Variants in KCNJ14 observed in about 807,000 individuals in gnomAD.
The protein encoded by KCNJ14 is ATP-sensitive inward rectifier potassium channel 14.
KCNJ14 carries 18 observed loss-of-function variants against 24.5 expected under a neutral mutation model. The observed-to-expected ratio is 0.74, with a 90% confidence interval of 0.51 to 1.09. The LOEUF is 1.09. Ranked by LOEUF, KCNJ14 falls within the 50% of genes least tolerant of loss-of-function variation. The pLI, the probability that KCNJ14 is intolerant of heterozygous loss-of-function variation, is 0.00. For synonymous variants in KCNJ14, 288 were observed against 270.8 expected (o/e 1.06, Z -0.63); for missense variants, 633 against 623.0 (o/e 1.02, Z -0.17).
rs765618547 is a variant in KCNJ14, at chr19:48,464,731, GCCCCCGAGTTCTCACACCAACCCTGGC to G, written c.1266_1292del (p.Ser422_Ala431delinsArg). The stretch of plus-strand genomic sequence containing the variant: ...GTGGAAACAGAAGATGGGGCTGCTA[GCCCCCGAGTTCTCACACCAACCCTGGC>G]GCTGACCCTGCCTCCATGATGCAAA... On this transcript the variant is annotated inframe_deletion, in exon 3 of 3. Coordinates refer to ENST00000342291, the MANE Select transcript of KCNJ14 (RefSeq NM_013348.4). 1.2e-6 allele frequency: 2 copies of G among 1,610,360 alleles called. No individual in the cohort carries two copies. The highest frequency in any genetic ancestry group is 3.3e-5 in the Admixed American group (2 of 60,026).
In KCNJ14 at chr19:48,462,007, T is replaced by C; in HGVS notation, c.283T>C (p.Cys95Arg). The C allele has an allele frequency of 6.2e-7, 1 of 1,612,980 alleles. No individual in the cohort carries two copies. Among genetic ancestry groups the C allele is most frequent in the Non-Finnish European group, 8.5e-7 (1 of 1,179,708 alleles). Residue 95 changes from cysteine (C) to arginine (R), a missense_variant, in exon 2 of 3, where the codon TGC (cysteine) becomes CGC (arginine). Cys to Arg is a radical substitution (Grantham distance 180). Coordinates refer to ENST00000342291, the MANE Select transcript of KCNJ14 (RefSeq NM_013348.4). The surrounding 1 kb of genome is among the most constrained non-coding windows in gnomAD (Gnocchi z 4.9). Reference protein sequence around the residue: ...RWRWMCLLFSCSFLASWLLFG... With the variant: ...RWRWMCLLFSRSFLASWLLFG... ...GCGCTGGATGTGCCTGCTCTTCTCC[T>C]GCTCCTTCCTCGCCTCCTGGCTGCT...
chr19:48,465,021 A>G lies in KCNJ14; in HGVS notation c.*244A>G. ...ATGAGCCTGATTCCTCAGTCTCACC[A>G]GAATTCTGGATCACCCAAGAGGAAA... On this transcript the variant is annotated 3_prime_UTR_variant, in exon 3 of 3. Coordinates refer to ENST00000342291, the MANE Select transcript of KCNJ14 (RefSeq NM_013348.4). 1.9e-6 allele frequency: 1 copy of G among 524,870 alleles called. No individual in the cohort carries two copies. The highest frequency in any genetic ancestry group is 3.4e-6 in the Non-Finnish European group (1 of 293,692). The allele number at this position is 524,870 out of a possible 1,614,324, so 32.5% of individuals were successfully genotyped here.
chr19:48,456,629 G>T (rs1971542100), intron 1 of KCNJ14: 1 of 152,184 alleles, frequency 6.6e-6, no homozygotes, highest in South Asian at 2.1e-4. Flanking sequence ...AGCCCCTGAG[G>T]ATCCCCAGGT....
At chr19:48,457,611 A>T (rs543514991) in intron 1 of KCNJ14, among the ~76,000 whole-genome samples, 3 of 152,304 alleles carry the variant, frequency 2.0e-5, no homozygotes, top group South Asian at 4.1e-4. Context: ...TTCACATATC[A>T]TATCATACAC....
intron 1 of KCNJ14, among the ~76,000 whole-genome samples, chr19:48,457,790 A>ACCTCAGCCTCCCGAGTAGCTG (rs1162844713): frequency 6.6e-6 from 1 of 151,538 alleles, no homozygotes; most frequent in Non-Finnish European, 1.5e-5. Context: ...TGATTCTCCC[A>ACCTCAGCCTCCCGAGTAGCTG]CCTCAGCCTC....
At chr19:48,461,593 C>T (rs976880087) in intron 1 of KCNJ14, 77 bp from the exon 2 acceptor site, 3 of 485,852 alleles carry the variant, frequency 6.2e-6, no homozygotes, top group Non-Finnish European at 1.0e-5. Context: ...CCACTAAGCC[C>T]CACCAGAAAG....
rs1971616214 is a variant in KCNJ14 at position 48,462,834 on chromosome 19, G to A, written c.714+396G>A. On this transcript the variant is annotated intron_variant, in intron 2 of 2. Coordinates refer to ENST00000342291, the MANE Select transcript of KCNJ14 (RefSeq NM_013348.4). This position sits in a 1 kb window ranked among gnomAD's most constrained non-coding sequence, Gnocchi z 4.9. Reference sequence around the variant, plus strand: ...TGCGAGGGGGTGGTGGAGGGCCTGCGTGACCGTTCTATTACTCGGGTGTAC... The same window carrying A: ...TGCGAGGGGGTGGTGGAGGGCCTGCATGACCGTTCTATTACTCGGGTGTAC... Among the ~76,000 whole-genome samples, 1 of 152,232 alleles carries A rather than the reference G, an allele frequency of 6.6e-6. No homozygotes were observed. The highest frequency in any genetic ancestry group is 2.4e-5 in the African/African-American group (1 of 41,550).
Position 48,464,429 on chromosome 19 carries a change from C to T in KCNJ14, c.963C>T (p.Leu321=), listed in dbSNP as rs1239056049. Residue 321 remains leucine, a synonymous_variant, in exon 3 of 3, where the codon CTC becomes CTT. Transcript: ENST00000342291. ...CCACACAGTGTCGCTCGTCCTACCT[C>T]CCTGGTGAACTGCTCTGGGGCCATC... ...AMTTQCRSSY[L]PGELLWGHRF... is the part of the protein sequence containing the mutation. 2 of 1,613,742 alleles carry T rather than the reference C, an allele frequency of 1.2e-6. No individual in the cohort carries two copies. Among genetic ancestry groups the T allele is most frequent in the Non-Finnish European group, 1.7e-6 (2 of 1,179,890 alleles).
chr19:48,456,496 T>C (rs1236872982), intron 1 of KCNJ14: 2 of 152,210 alleles, frequency 1.3e-5, no homozygotes, highest in East Asian at 1.9e-4. Flanking sequence ...CCCTCGCGAA[T>C]GGCCAGGCTG....
rs1014110706 is a variant in KCNJ14 at position 48,462,811 on chromosome 19, C to A, written c.714+373C>A. Among the ~76,000 whole-genome samples, 1 of 152,092 alleles carries A rather than the reference C, an allele frequency of 6.6e-6. No homozygotes were observed. Among genetic ancestry groups the A allele is most frequent in the Non-Finnish European group, 1.5e-5 (1 of 67,984 alleles). On this transcript the variant is annotated intron_variant, in intron 2 of 2. Transcript: ENST00000342291. The surrounding 1 kb of genome is among the most constrained non-coding windows in gnomAD (Gnocchi z 4.9). ...TGGGGTGGCCTCAGATGCAGCTTTG[C>A]GAGGGGGTGGTGGAGGGCCTGCGTG...
Position 48,462,512 on chromosome 19 carries a change from G to A in KCNJ14, c.714+74G>A. 1.7e-6 allele frequency: 2 copies of A among 1,185,818 alleles called. No homozygotes were observed. The highest frequency in any genetic ancestry group is 2.6e-5 in the East Asian group (1 of 38,060). 73.5% of individuals were successfully genotyped at this position (1,185,818 alleles called of 1,614,324 possible). On this transcript the variant is annotated intron_variant, in intron 2 of 2. Transcript: ENST00000342291. The surrounding 1 kb of genome is among the most constrained non-coding windows in gnomAD (Gnocchi z 4.9). ...TGGGAGATGTAGGCCCGAGGGCGAG[G>A]GGCGTGCGGTCCTGGAGGGGGCGTG...
intron 1 of KCNJ14, among the ~76,000 whole-genome samples, chr19:48,460,980 C>T (rs1271259432): frequency 6.6e-6 from 1 of 151,408 alleles, no homozygotes; most frequent in Non-Finnish European, 1.5e-5. Flanking sequence ...CATAGTGAGG[C>T]CCCTGTCTCT....
In KCNJ14 at chr19:48,462,375, G is replaced by A. The variant is rs1971611385; in HGVS notation, c.651G>A (p.Trp217Ter). The A allele has an allele frequency of 1.3e-6, 2 of 1,533,348 alleles. No homozygotes were observed. The highest frequency in any genetic ancestry group is 1.2e-5 in the South Asian group (1 of 83,056). 95.0% of individuals were successfully genotyped at this position (1,533,348 alleles called of 1,614,324 possible). Residue 217 changes from tryptophan to a stop codon, truncating the protein, a stop_gained, in exon 2 of 3, where the codon TGG (tryptophan) becomes TGA (stop). Coordinates refer to ENST00000342291, the MANE Select transcript of KCNJ14 (RefSeq NM_013348.4). LOFTEE classifies it high-confidence loss of function. The surrounding 1 kb of genome is among the most constrained non-coding windows in gnomAD (Gnocchi z 4.9). ...ALRDHRLCLMWRVGNLRRSHL... is the reference protein window; with the variant it reads ...ALRDHRLCLM ...GCGACCACCGCCTCTGCCTCATGTG[G>A]CGCGTCGGCAACCTGCGCCGCAGCC...
intron 1 of KCNJ14, among the ~76,000 whole-genome samples, chr19:48,460,622 G>T (rs1971584734): frequency 1.3e-5 from 2 of 152,188 alleles, no homozygotes; most frequent in South Asian, 2.1e-4. Context: ...TGCCTCATAG[G>T]CTTGCTCTGA....
intron 2 of KCNJ14, 117 bp from the exon 3 acceptor site, chr19:48,464,064 C>T: frequency 1.3e-6 from 1 of 756,430 alleles, no homozygotes; most frequent in South Asian, 1.6e-5. Context: ...TGTTCTCACC[C>T]TTTTCTTCAC....
In KCNJ14 at chr19:48,462,024, C is replaced by T; in HGVS notation, c.300C>T (p.Ser100=). 2 of 1,612,494 alleles carry T rather than the reference C, an allele frequency of 1.2e-6. No homozygotes were observed. Among genetic ancestry groups the T allele is most frequent in the Non-Finnish European group, 1.7e-6 (2 of 1,179,710 alleles). ...TCTTCTCCTGCTCCTTCCTCGCCTC[C>T]TGGCTGCTCTTCGGCCTGGCCTTCT... ...CLLFSCSFLA[S]WLLFGLAFWL... Residue 100 remains serine (S), a synonymous_variant, in exon 2 of 3, where the codon TCC becomes TCT. Transcript: ENST00000342291. The surrounding 1 kb of genome is among the most constrained non-coding windows in gnomAD (Gnocchi z 4.9).
rs1463066504 is a variant in KCNJ14, at chr19:48,466,510, AG to A, written c.*1735del. ...GATGGAGTGCTAGCTAATTGGAATG[AG>A]GTCCTTTTCAAGGACCCCAGAAGCT... On this transcript the variant is annotated 3_prime_UTR_variant, in exon 3 of 3. Coordinates refer to ENST00000342291, the MANE Select transcript of KCNJ14 (RefSeq NM_013348.4). 1 of 152,208 alleles carries A rather than the reference AG, an allele frequency of 6.6e-6. No homozygotes were observed. Among genetic ancestry groups the A allele is most frequent in the Admixed American group, 6.5e-5 (1 of 15,276 alleles). The allele number at this position is 152,208 out of a possible 1,614,324, so 9.4% of individuals were successfully genotyped here.
At chr19:48,456,128 G>C (rs1332277158) in intron 1 of KCNJ14, 1 of 152,352 alleles carries the variant, frequency 6.6e-6, no homozygotes, top group Non-Finnish European at 1.5e-5. Flanking sequence ...AAAGGGCTTT[G>C]GTGAGAGATG....
At chr19:48,463,831 T>C (rs890806559) in intron 2 of KCNJ14, among the ~76,000 whole-genome samples, 20 of 152,120 alleles carry the variant, frequency 1.3e-4, no homozygotes, top group African/African-American at 4.8e-4. Context: ...ACTCTGTCCC[T>C]CTCTCCTCTT....
Sources: allele counts gnomAD v4.1 joint callset (sites outside exome capture counted in the v4.1 genomes callset), GRCh38; gene constraint gnomAD v4.1.1; non-coding constraint Gnocchi (gnomAD v3.1); transcripts MANE v1.5; gene names NCBI Gene and HGNC (gene_info 2026-07-23, HGNC 2026-07-21).